The following OTOGL variants were observed in gnomAD, a reference collection of about 807,000 sequenced individuals.
The protein encoded by OTOGL is otogelin-like protein.
Under a neutral mutation model 318.5 loss-of-function variants are expected in OTOGL, and 285 were observed. That is an observed-to-expected ratio of 0.89 (90% CI 0.81 to 0.99). The LOEUF (loss-of-function observed/expected upper bound fraction) is 0.99, where lower values mean the gene tolerates loss of function less well. OTOGL is among the 50% of genes least tolerant of loss of function. OTOGL has a pLI of 0.00. For synonymous variants in OTOGL, 987 were observed against 936.5 expected, an observed-to-expected ratio of 1.05 and a Z score of -0.99; for missense variants, 2,899 against 2,845.6, an observed-to-expected ratio of 1.02 and a Z score of -0.43.
chr12:80,114,977 GTTC>G (rs1196929623), intron 1 of OTOGL, among the ~76,000 whole-genome samples: 1 of 151,618 alleles, frequency 6.6e-6, no homozygotes, highest in Non-Finnish European at 1.5e-5. Flanking sequence ...GGTCATTTAT[GTTC>G]TTCTCTAAAG....
At chr12:80,103,866 A>T (rs1391351084) in intron 1 of OTOGL, among the ~76,000 whole-genome samples, 1 of 152,248 alleles carries the variant, frequency 6.6e-6, no homozygotes, top group Non-Finnish European at 1.5e-5. Flanking sequence ...TATATTCTAG[A>T]CACCTGAGAA....
intron 1 of OTOGL, chr12:80,130,942 A>C (rs2137119722): frequency 6.6e-6 from 1 of 152,358 alleles, no homozygotes; most frequent in African/African-American, 2.4e-5. Context: ...AAACAATGGA[A>C]GCAAACACTG....
Position 80,185,356 on chromosome 12 carries a change from C to T in OTOGL, c.-19-24057C>T, listed in dbSNP as rs146066099. On this transcript the variant is annotated intron_variant, in intron 1 of 58. Coordinates refer to ENST00000547103, the MANE Select transcript of OTOGL (RefSeq NM_001378609.3). Reference sequence around the variant, plus strand: ...GGAGTGCAGTGGTGCAATCTTGGCTCACTGCAACCTCTGCCTCCTGGGTTC... The same window carrying T: ...GGAGTGCAGTGGTGCAATCTTGGCTTACTGCAACCTCTGCCTCCTGGGTTC... Among the ~76,000 whole-genome samples, 276 of 152,252 alleles carry T rather than the reference C, an allele frequency of 1.8e-3. 2 individuals carry two copies. The highest frequency in any genetic ancestry group is 6.5e-3 in the African/African-American group (270 of 41,538).
intron 37 of OTOGL, 106 bp from the exon 38 acceptor site, chr12:80,332,899 G>C: frequency 2.3e-6 from 2 of 856,936 alleles, no homozygotes; most frequent in South Asian, 3.4e-5. Flanking sequence ...GAAGGAATAT[G>C]TGAAATAATC....
rs546848052 is a variant in OTOGL at position 80,110,939 on chromosome 12, A to G, written c.-20+11334A>G. Among the ~76,000 whole-genome samples the G allele has an allele frequency of 2.6e-5, 4 of 152,328 alleles. No homozygotes were observed. In the East Asian group the frequency reaches 7.7e-4, roughly 29 times the overall value. On this transcript the variant is annotated intron_variant, in intron 1 of 58. Transcript: ENST00000547103. ...GTTTCCAGGCTTTTTAATGATTGCC[A>G]TTCTAACTGGTGTGAAATGATATCT...
At chr12:80,197,242 C>G (rs1876138824) in intron 1 of OTOGL, among the ~76,000 whole-genome samples, 1 of 152,064 alleles carries the variant, frequency 6.6e-6, no homozygotes, top group African/African-American at 2.4e-5. Context: ...CTCATGTCTC[C>G]CTAAAATGTA....
At chr12:80,217,184 T>C (rs1374835862) in intron 4 of OTOGL, among the ~76,000 whole-genome samples, 1 of 152,064 alleles carries the variant, frequency 6.6e-6, no homozygotes, top group African/African-American at 2.4e-5. Flanking sequence ...TGTCAGAGAA[T>C]TGCTATTTCT....
chr12:80,318,513 C>A, intron 32 of OTOGL, 33 bp from the exon 33 acceptor site: 1 of 1,200,728 alleles, frequency 8.3e-7, no homozygotes, highest in Non-Finnish European at 1.1e-6. Flanking sequence ...AAATCTATGC[C>A]AATTTATAAT....
At position 80,356,834 on chromosome 12, in the gene OTOGL, T is replaced by C. The variant is rs1349821733; in HGVS notation, c.5939T>C (p.Ile1980Thr). The part of the protein sequence containing the change: ...CECDPLKCPS[I>T]STPECREDQF... ...TGTGACCCATTGAAATGCCCCAGTATTTCAACACCAGAATGCAGAGAAGAT... is the reference window on the plus strand; with the variant it reads ...TGTGACCCATTGAAATGCCCCAGTACTTCAACACCAGAATGCAGAGAAGAT... Residue 1980 changes from isoleucine to threonine, a missense_variant, in exon 49 of 59, where the codon ATT becomes ACT. Coordinates refer to ENST00000547103, the MANE Select transcript of OTOGL (RefSeq NM_001378609.3). 2 of 1,595,298 alleles carry C rather than the reference T, an allele frequency of 1.3e-6. No individual in the cohort carries two copies. The highest frequency in any genetic ancestry group is 1.7e-6 in the Non-Finnish European group (2 of 1,171,486).
At chr12:80,123,918 A>G (rs1373493009) in intron 1 of OTOGL, among the ~76,000 whole-genome samples, 3 of 151,828 alleles carry the variant, frequency 2.0e-5, no homozygotes, top group Non-Finnish European at 2.9e-5. Flanking sequence ...GTTTGAGTTC[A>G]TTGTAGATTC....
intron 26 of OTOGL, among the ~76,000 whole-genome samples, chr12:80,293,574 T>C (rs536523547): frequency 6.6e-6 from 1 of 152,334 alleles, no homozygotes; most frequent in Admixed American, 6.5e-5. Flanking sequence ...CTACTCAGGC[T>C]AGCATGTCTA....
intron 19 of OTOGL, among the ~76,000 whole-genome samples, chr12:80,263,313 C>T (rs1392693632): frequency 6.6e-6 from 1 of 152,000 alleles, no homozygotes; most frequent in African/African-American, 2.4e-5. Flanking sequence ...TCTTGGTTTC[C>T]TCCTGGATAT....
At chr12:80,244,431 T>C (rs1880683090) in intron 11 of OTOGL, among the ~76,000 whole-genome samples, 1 of 150,286 alleles carries the variant, frequency 6.7e-6, no homozygotes, top group Non-Finnish European at 1.5e-5. Context: ...TTTGGTTTTT[T>C]GTTCTTGCGA....
intron 26 of OTOGL, among the ~76,000 whole-genome samples, chr12:80,287,027 T>A (rs746110266): frequency 2.0e-5 from 3 of 148,214 alleles, no homozygotes; most frequent in Admixed American, 6.6e-5. Context: ...CATTTAGATT[T>A]ATAGGGACAT....
chr12:80,150,753 T>G (rs1056883524), intron 1 of OTOGL, among the ~76,000 whole-genome samples: 1 of 152,204 alleles, frequency 6.6e-6, no homozygotes, highest in Non-Finnish European at 1.5e-5. Context: ...CCATAACTGT[T>G]TTATATAATT....
chr12:80,296,957 A>G lies in OTOGL; in HGVS notation c.3059A>G (p.Lys1020Arg). 1 of 1,545,074 alleles carries G rather than the reference A, an allele frequency of 6.5e-7. No homozygotes were observed. The highest frequency in any genetic ancestry group is 8.7e-7 in the Non-Finnish European group (1 of 1,146,032). ...TEIYLNDTPY[K>R]QKQSGFFLEN... The stretch of plus-strand genomic sequence containing the variant: ...ATTTACCTGAATGATACTCCTTACA[A>G]ACAGGTTAGTGAATTATTTCTTTCA... The change falls in exon 27 of 59, where the codon AAA becomes AGA. Residue 1020 changes from lysine to arginine, a missense_variant. Physicochemically the swap from Lys to Arg is conservative, Grantham distance 26. Transcript: ENST00000547103.
chr12:80,344,582 T>C (rs1566000625), intron 44 of OTOGL, among the ~76,000 whole-genome samples: 1 of 152,194 alleles, frequency 6.6e-6, no homozygotes, highest in Non-Finnish European at 1.5e-5. Context: ...CAAATTATGT[T>C]GTGTCTTATG....
chr12:80,375,562 G>A (rs80027575), intron 57 of OTOGL, among the ~76,000 whole-genome samples: 6,523 of 152,184 alleles, frequency 0.043, 194 homozygotes, highest in Non-Finnish European at 0.066. Context: ...TAACTTAAGC[G>A]GGGGCTTAGA....
At chr12:80,272,612 G>A (rs1445940819) in intron 24 of OTOGL, among the ~76,000 whole-genome samples, 1 of 151,968 alleles carries the variant, frequency 6.6e-6, no homozygotes, top group East Asian at 1.9e-4. Context: ...AAGGCAAACA[G>A]GTCACCCATT....
Sources: allele counts gnomAD v4.1 joint callset (sites outside exome capture counted in the v4.1 genomes callset), GRCh38; gene constraint gnomAD v4.1.1; transcripts MANE v1.5; gene names NCBI Gene and HGNC (gene_info 2026-07-23, HGNC 2026-07-21).